Variants in PPP1R12A observed in about 807,000 individuals in gnomAD.
The protein encoded by PPP1R12A is myosin binding subunit.
In PPP1R12A, 19 loss-of-function variants were observed where a neutral mutation model predicts 139.6. That is an observed-to-expected ratio of 0.14 (90% confidence interval 0.09 to 0.20). PPP1R12A has a LOEUF of 0.20. PPP1R12A is among the 10% of genes least tolerant of loss of function. PPP1R12A has a pLI of 1.00. For synonymous variants in PPP1R12A, 427 were observed against 420.6 expected (o/e 1.02, Z -0.19); for missense variants, 925 against 1,211.5 (o/e 0.76, Z 3.51).
chr12:79,892,582 C>T (rs932848225), intron 1 of PPP1R12A, among the ~76,000 whole-genome samples: 3 of 152,036 alleles, frequency 2.0e-5, no homozygotes, highest in South Asian at 4.1e-4. Flanking sequence ...TCATTTTCTT[C>T]GATGCTAGTA....
At chr12:79,802,538 G>A (rs538455600) in intron 14 of PPP1R12A, among the ~76,000 whole-genome samples, 114 of 152,258 alleles carry the variant, frequency 7.5e-4, no homozygotes, top group South Asian at 1.7e-3. Flanking sequence ...ATTCCAGCAC[G>A]CTGGGAGGTC....
At chr12:79,917,592 T>C (rs750395067) in intron 1 of PPP1R12A, among the ~76,000 whole-genome samples, 12 of 152,042 alleles carry the variant, frequency 7.9e-5, no homozygotes, top group Non-Finnish European at 1.5e-4. Context: ...TAACCCAACC[T>C]TTCTGTACAC....
rs922489481 is a variant in PPP1R12A, at chr12:79,804,015, T to C, written c.2000+1577A>G. On this transcript the variant is annotated intron_variant, in intron 14 of 24. Coordinates refer to ENST00000450142, the MANE Select transcript of PPP1R12A (RefSeq NM_002480.3). The stretch of plus-strand genomic sequence containing the variant: ...AATTTTCAAAAGCACTGAATCTCTA[T>C]GCTAGAGATAGAAAAGATTCTAGAA... Among the ~76,000 whole-genome samples the C allele has an allele frequency of 2.0e-5, 3 of 152,110 alleles. No homozygotes were observed. In the East Asian group the frequency reaches 5.8e-4, roughly 29 times the overall value.
chr12:79,797,126 C>T lies in PPP1R12A; in HGVS notation c.2292+69G>A, dbSNP rs1476388195. ...ATATGGTTTGTTGGTATATAAATCT[C>T]TTGTATGTTAAGGATCATAAGGACT... On this transcript the variant is annotated intron_variant, in intron 16 of 24. Coordinates refer to ENST00000450142, the MANE Select transcript of PPP1R12A (RefSeq NM_002480.3). 1.2e-5 allele frequency: 17 copies of T among 1,397,806 alleles called. No individual in the cohort carries two copies. The East Asian group carries it at 4.0e-4, about 33-fold the overall frequency. 86.6% of individuals were successfully genotyped at this position (1,397,806 alleles called of 1,614,324 possible). A position where few individuals can be genotyped will look rare whatever the true frequency, so the allele number is the denominator to read the frequency against.
At chr12:79,872,974 A>G in intron 1 of PPP1R12A, 36 bp from the exon 2 acceptor site, 2 of 1,584,020 alleles carry the variant, frequency 1.3e-6, no homozygotes, top group East Asian at 2.3e-5. Flanking sequence ...TGGAAAAAAT[A>G]CGAATTAACA....
intron 1 of PPP1R12A, among the ~76,000 whole-genome samples, chr12:79,910,246 G>A (rs1390962769): frequency 6.6e-6 from 1 of 152,012 alleles, no homozygotes; most frequent in Non-Finnish European, 1.5e-5. Flanking sequence ...TTAGGAGGAT[G>A]AGGTGGGAGG....
At chr12:79,927,684 AT>A (rs1276794052) in intron 1 of PPP1R12A, among the ~76,000 whole-genome samples, 1 of 152,200 alleles carries the variant, frequency 6.6e-6, no homozygotes, top group African/African-American at 2.4e-5. Context: ...CAGCTCTGCC[AT>A]TTATTTTCTT....
intron 9 of PPP1R12A, among the ~76,000 whole-genome samples, chr12:79,814,610 G>T (rs1316076018): frequency 1.3e-5 from 2 of 150,384 alleles, no homozygotes; most frequent in East Asian, 3.9e-4. Context: ...GAGGTCAGGA[G>T]TTTGAGACCA....
At chr12:79,908,048 A>G (rs1180584946) in intron 1 of PPP1R12A, among the ~76,000 whole-genome samples, 2 of 152,206 alleles carry the variant, frequency 1.3e-5, no homozygotes, top group African/African-American at 2.4e-5. Context: ...TACATACACT[A>G]AATTTCTGAA....
intron 2 of PPP1R12A, among the ~76,000 whole-genome samples, chr12:79,862,023 G>A (rs576375611): frequency 1.8e-4 from 27 of 152,196 alleles, no homozygotes; most frequent in African/African-American, 5.8e-4. Flanking sequence ...CAGGGTCCCC[G>A]ACCCCTGTGC....
At chr12:79,806,618 A>G (rs765418443) in intron 12 of PPP1R12A, among the ~76,000 whole-genome samples, 1 of 152,348 alleles carries the variant, frequency 6.6e-6, no homozygotes, top group Admixed American at 6.5e-5. Context: ...CCATATGGTC[A>G]TGCCAGGCTG....
intron 1 of PPP1R12A, among the ~76,000 whole-genome samples, chr12:79,905,075 G>A (rs10862021): frequency 0.79 from 119,496 of 152,102 alleles, 49,449 homozygotes; most frequent in Non-Finnish European, 0.92. Context: ...CAGCTGCTAT[G>A]TTATTAAAAT....
intron 9 of PPP1R12A, 30 bp downstream of exon 9, chr12:79,817,364 G>A (rs1424978950): frequency 6.3e-7 from 1 of 1,596,376 alleles, no homozygotes; most frequent in Non-Finnish European, 8.6e-7. Context: ...TAGAATACAT[G>A]TATTTTCAGC....
Position 79,820,948 on chromosome 12 carries a change from G to A in PPP1R12A, c.957-17C>T, listed in dbSNP as rs1414753408. ...GTCTCTTTGCTGTTAAAGGAAAACA[G>A]TGTTCAAATGATTAGAAATACAAAA... On this transcript the variant is annotated splice_polypyrimidine_tract_variant and intron_variant, in intron 7 of 24. Transcript: ENST00000450142. 1.2e-6 allele frequency: 2 copies of A among 1,611,344 alleles called. No individual in the cohort carries two copies. Among genetic ancestry groups the A allele is most frequent in the Non-Finnish European group, 1.7e-6 (2 of 1,178,566 alleles).
chr12:79,884,201 C>A (rs1378022779), intron 1 of PPP1R12A, among the ~76,000 whole-genome samples: 3 of 152,096 alleles, frequency 2.0e-5, no homozygotes, highest in Non-Finnish European at 4.4e-5. Context: ...TTTAAAGTTT[C>A]TCCATTTGAA....
At chr12:79,776,046 T>C (rs1353101174) in intron 24 of PPP1R12A, 31 bp from the exon 25 acceptor site, 9 of 1,253,648 alleles carry the variant, frequency 7.2e-6, no homozygotes, top group Non-Finnish European at 1.0e-5. Context: ...GATCAAGTTT[T>C]ACCTTCAATA....
intron 9 of PPP1R12A, among the ~76,000 whole-genome samples, chr12:79,816,315 G>A (rs918054975): frequency 3.9e-5 from 6 of 152,038 alleles, no homozygotes; most frequent in African/African-American, 1.2e-4. Context: ...TGATTATTTT[G>A]AGAATGAAGA....
Position 79,817,596 on chromosome 12 carries a change from T to C in PPP1R12A, c.1115-78A>G, listed in dbSNP as rs922054841. On this transcript the variant is annotated intron_variant, in intron 8 of 24. Coordinates refer to ENST00000450142, the MANE Select transcript of PPP1R12A (RefSeq NM_002480.3). Reference sequence around the variant, plus strand: ...TGGCTGGGAAAAAATCATTTTATATTCCATTTTTGTTTAAGGTTTTGTTAA... The same window carrying C: ...TGGCTGGGAAAAAATCATTTTATATCCCATTTTTGTTTAAGGTTTTGTTAA... 4 of 1,363,216 alleles carry C rather than the reference T, an allele frequency of 2.9e-6. No individual in the cohort carries two copies. In the Admixed American group the frequency reaches 7.9e-5, roughly 27 times the overall value. 84.4% of individuals were successfully genotyped at this position (1,363,216 alleles called of 1,614,324 possible).
intron 1 of PPP1R12A, among the ~76,000 whole-genome samples, chr12:79,918,232 G>A (rs1386148054): frequency 6.6e-6 from 1 of 151,614 alleles, no homozygotes; most frequent in African/African-American, 2.4e-5. Flanking sequence ...TTTCTACTTG[G>A]TTTTCACATT....
Sources: gnomAD v4.1 joint callset for allele counts (sites outside exome capture counted in the v4.1 genomes callset) on GRCh38, gnomAD v4.1.1 for gene constraint, MANE v1.5 for transcripts, NCBI Gene and HGNC (gene_info 2026-07-23, HGNC 2026-07-21) for gene names.